The following NUBPL variants were observed in gnomAD, a reference collection of about 807,000 sequenced individuals.
The protein encoded by NUBPL is NUBP iron-sulfur cluster assembly factor, mitochondrial.
Under a neutral mutation model 45.7 loss-of-function variants are expected in NUBPL, and 31 were observed. The observed-to-expected ratio is 0.68, with a 90% CI of 0.51 to 0.92. NUBPL has a LOEUF of 0.92. Ranked by LOEUF, NUBPL falls within the 40% of genes least tolerant of loss-of-function variation. The pLI is 0.00. For missense variants in NUBPL, 401 were observed against 398.7 expected (o/e 1.01, Z -0.05); for synonymous variants, 144 against 140.9 (o/e 1.02, Z -0.15).
chr14:31,568,744 T>C (rs2033503810), intron 3 of NUBPL, among the ~76,000 whole-genome samples: 1 of 152,204 alleles, frequency 6.6e-6, no homozygotes. Flanking sequence ...GTGAAAATAA[T>C]AATAAAAGCA....
chr14:31,822,984 C>T (rs141818260), intron 7 of NUBPL, among the ~76,000 whole-genome samples: 131 of 152,072 alleles, frequency 8.6e-4, no homozygotes, highest in African/African-American at 3.0e-3. Flanking sequence ...TGTCCCTGAA[C>T]ATTTTAATAA....
intron 6 of NUBPL, among the ~76,000 whole-genome samples, chr14:31,689,578 A>G (rs1275304917): frequency 3.3e-5 from 5 of 152,014 alleles, no homozygotes; most frequent in Non-Finnish European, 7.4e-5. Context: ...TGTCAGATGC[A>G]TAGTTTGTGA....
At chr14:31,855,159 A>G in intron 10 of NUBPL, among the ~76,000 whole-genome samples, 1 of 152,188 alleles carries the variant, frequency 6.6e-6, no homozygotes, top group East Asian at 1.9e-4. Context: ...GTGAACTTTA[A>G]ATTTTCATCA....
chr14:31,645,749 A>AT (rs2035830627), intron 4 of NUBPL, among the ~76,000 whole-genome samples: 1 of 145,132 alleles, frequency 6.9e-6, no homozygotes, highest in African/African-American at 2.6e-5. Context: ...CAAATAAAGA[A>AT]TTTTTTAAAA....
chr14:31,619,518 G>A (rs550201975), intron 4 of NUBPL, among the ~76,000 whole-genome samples: 5 of 152,314 alleles, frequency 3.3e-5, no homozygotes, highest in African/African-American at 1.2e-4. Context: ...TATTTGTAAA[G>A]GATTTTATTT....
intron 3 of NUBPL, among the ~76,000 whole-genome samples, chr14:31,579,954 T>C (rs552249837): frequency 2.2e-4 from 33 of 152,370 alleles, no homozygotes; most frequent in Non-Finnish European, 4.6e-4. Flanking sequence ...CTGTGAAGGA[T>C]TTGTTCCATT....
At position 31,798,999 on chromosome 14, in the gene NUBPL, A is replaced by C. The variant is rs115328330; in HGVS notation, c.607+11126A>C. Among the ~76,000 whole-genome samples, 993 of 152,112 alleles carry C rather than the reference A, an allele frequency of 6.5e-3. 11 individuals carry two copies. The highest frequency in any genetic ancestry group is 0.022 in the African/African-American group (930 of 41,510). On this transcript the variant is annotated intron_variant, in intron 7 of 10. Coordinates refer to ENST00000281081, the MANE Select transcript of NUBPL (RefSeq NM_025152.3). Reference sequence around the variant, plus strand: ...TCTAGAAACTACAGGAACACTATCAAAAAGTTTTTTTGTGGGACAGGGCAG... The same window carrying C: ...TCTAGAAACTACAGGAACACTATCACAAAGTTTTTTTGTGGGACAGGGCAG...
At chr14:31,684,351 G>A (rs1287027162) in intron 6 of NUBPL, among the ~76,000 whole-genome samples, 1 of 152,134 alleles carries the variant, frequency 6.6e-6, no homozygotes, top group Non-Finnish European at 1.5e-5. Flanking sequence ...CAATTAAGAT[G>A]TATTTTGCAA....
At position 31,757,493 on chromosome 14, in the gene NUBPL, G is replaced by T. The variant is rs183487197; in HGVS notation, c.514-30287G>T. Among the ~76,000 whole-genome samples the T allele has an allele frequency of 1.5e-3, 233 of 152,194 alleles. 2 individuals carry two copies. The Middle Eastern group carries it at 0.024, about 16-fold the overall frequency. ...GATTTTCTAGTTTATTTGCATAGAG[G>T]TGTTTGTAGTATTCTCTGATGGTAG... On this transcript the variant is annotated intron_variant, in intron 6 of 10. Transcript: ENST00000281081.
intron 6 of NUBPL, among the ~76,000 whole-genome samples, chr14:31,762,109 A>C (rs906295690): frequency 6.6e-6 from 1 of 152,178 alleles, no homozygotes; most frequent in Non-Finnish European, 1.5e-5. Context: ...GAAAAGGACA[A>C]ATTTGCAGGT....
intron 3 of NUBPL, among the ~76,000 whole-genome samples, chr14:31,588,153 C>T (rs568925318): frequency 1.3e-5 from 2 of 152,322 alleles, no homozygotes; most frequent in African/African-American, 4.8e-5. Context: ...ATCCCATTTT[C>T]TGCACTTGAA....
intron 10 of NUBPL, among the ~76,000 whole-genome samples, chr14:31,854,702 G>C (rs1406123083): frequency 6.6e-6 from 1 of 152,154 alleles, no homozygotes; most frequent in Non-Finnish European, 1.5e-5. Context: ...CTCACAGCTG[G>C]TAAGTAATAA....
chr14:31,811,506 T>A (rs1017305080), intron 7 of NUBPL, among the ~76,000 whole-genome samples: 1 of 152,184 alleles, frequency 6.6e-6, no homozygotes, highest in Non-Finnish European at 1.5e-5. Context: ...GTTTATTCAG[T>A]TAGCCATTCG....
Position 31,639,018 on chromosome 14 carries a change from G to A in NUBPL, c.383-34337G>A, listed in dbSNP as rs552138937. On this transcript the variant is annotated intron_variant, in intron 4 of 10. Coordinates refer to ENST00000281081, the MANE Select transcript of NUBPL (RefSeq NM_025152.3). ...TTTTTTCAAAGTTTTTCACTTCTTT[G>A]CCTTTGGTTTGAGTTTCCTCCCATA... Among the ~76,000 whole-genome samples the A allele has an allele frequency of 1.7e-4, 26 of 152,046 alleles. No individual in the cohort carries two copies. The South Asian group carries it at 4.8e-3, about 28-fold the overall frequency.
intron 6 of NUBPL, among the ~76,000 whole-genome samples, chr14:31,682,111 TGA>T (rs1383320454): frequency 3.9e-5 from 6 of 152,170 alleles, no homozygotes; most frequent in African/African-American, 1.4e-4. Context: ...TATAAATTAA[TGA>T]GAGAGGAGTG....
rs182640203 is a variant in NUBPL at position 31,727,998 on chromosome 14, T to G, written c.513+54424T>G. On this transcript the variant is annotated intron_variant, in intron 6 of 10. Coordinates refer to ENST00000281081, the MANE Select transcript of NUBPL (RefSeq NM_025152.3). ...GGCATTATTATAAAAGAAGCATCTG[T>G]CAGCATTTCTATTATAAAATCAAAA... 2.1e-4 allele frequency among the ~76,000 whole-genome samples: 32 copies of G among 152,288 alleles called. 1 individual carries two copies. In the Middle Eastern group the frequency reaches 0.01, roughly 49 times the overall value.
chr14:31,690,544 T>G (rs1412869386), intron 6 of NUBPL, among the ~76,000 whole-genome samples: 1 of 152,102 alleles, frequency 6.6e-6, no homozygotes, highest in Non-Finnish European at 1.5e-5. Context: ...TAAGGCTCAT[T>G]ATGCAGGATA....
At chr14:31,799,545 A>G (rs1157525242) in intron 7 of NUBPL, among the ~76,000 whole-genome samples, 2 of 152,220 alleles carry the variant, frequency 1.3e-5, no homozygotes, top group Non-Finnish European at 2.9e-5. Flanking sequence ...CAATAAAGCA[A>G]GTATCGTAAT....
chr14:31,727,332 T>C (rs2037947718), intron 6 of NUBPL, among the ~76,000 whole-genome samples: 1 of 152,216 alleles, frequency 6.6e-6, no homozygotes, highest in South Asian at 2.1e-4. Context: ...ACCATATTTC[T>C]CTTATATTGT....
Sources: allele counts gnomAD v4.1 joint callset (sites outside exome capture counted in the v4.1 genomes callset), GRCh38; gene constraint gnomAD v4.1.1; transcripts MANE v1.5; gene names NCBI Gene and HGNC (gene_info 2026-07-23, HGNC 2026-07-21).